The following CNTN4 variants were observed in gnomAD, a reference collection of about 807,000 sequenced individuals.
CNTN4 encodes contactin-4.
Under a neutral mutation model 122.5 loss-of-function variants are expected in CNTN4, and 77 were observed. The observed-to-expected ratio is 0.63, with a 90% confidence interval of 0.52 to 0.76. CNTN4 has a LOEUF of 0.76. Ranked by LOEUF, CNTN4 falls within the 30% of genes least tolerant of loss-of-function variation. The pLI is 0.00. For synonymous variants in CNTN4, 512 were observed against 447.0 expected (o/e 1.15, Z -1.83); for missense variants, 1,256 against 1,259.1 (o/e 1.00, Z 0.04).
At chr3:2,589,894 A>G (rs1325715744) in intron 4 of CNTN4, among the ~76,000 whole-genome samples, 1 of 152,242 alleles carries the variant, frequency 6.6e-6, no homozygotes, top group Admixed American at 6.5e-5. Flanking sequence ...AGAAAGCAAG[A>G]GGAAGCCAAG....
At chr3:2,745,454 A>AT (rs2089700568) in intron 5 of CNTN4, 68 bp from the exon 6 acceptor site, 7 of 1,255,738 alleles carry the variant, frequency 5.6e-6, no homozygotes, top group Non-Finnish European at 8.2e-6. Context: ...GTTTTTATAT[A>AT]TTTTAGACAA....
chr3:2,425,813 T>G (rs1368777801), intron 3 of CNTN4, among the ~76,000 whole-genome samples: 1 of 152,320 alleles, frequency 6.6e-6, no homozygotes, highest in East Asian at 1.9e-4. Context: ...CTAGGTATTT[T>G]ATTCTCTTTG....
chr3:2,566,538 G>A (rs2079166870), intron 3 of CNTN4, among the ~76,000 whole-genome samples: 1 of 152,176 alleles, frequency 6.6e-6, no homozygotes, highest in Admixed American at 6.5e-5. Flanking sequence ...TATTCTATGT[G>A]CCTCTAAAAT....
At chr3:2,406,614 G>T (rs1000965539) in intron 3 of CNTN4, among the ~76,000 whole-genome samples, 2 of 151,990 alleles carry the variant, frequency 1.3e-5, no homozygotes, top group Non-Finnish European at 2.9e-5. Context: ...AAAATATAAA[G>T]TAATTTTTTT....
chr3:2,948,551 T>C (rs149725524), intron 13 of CNTN4, among the ~76,000 whole-genome samples: 8 of 152,318 alleles, frequency 5.3e-5, no homozygotes, highest in Non-Finnish European at 1.0e-4. Context: ...CCTGTATCCA[T>C]ATCTTTGAAA....
At chr3:2,774,388 C>A (rs1216156098) in intron 6 of CNTN4, among the ~76,000 whole-genome samples, 1 of 152,176 alleles carries the variant, frequency 6.6e-6, no homozygotes, top group African/African-American at 2.4e-5. Context: ...ATTGTTCCTT[C>A]TCTCTTCCAC....
At chr3:2,294,273 G>A (rs2042228837) in intron 2 of CNTN4, among the ~76,000 whole-genome samples, 1 of 139,516 alleles carries the variant, frequency 7.2e-6, no homozygotes, top group Non-Finnish European at 1.6e-5. Flanking sequence ...CAAAGGAAAG[G>A]CAGAAGAGTT....
At chr3:2,338,285 A>G (rs553468131) in intron 2 of CNTN4, among the ~76,000 whole-genome samples, 6 of 151,992 alleles carry the variant, frequency 3.9e-5, no homozygotes, top group African/African-American at 9.7e-5. Context: ...TTATTTTGCA[A>G]TTCAGCCAGA....
At chr3:2,652,905 T>G (rs1272152165) in intron 4 of CNTN4, among the ~76,000 whole-genome samples, 3 of 152,208 alleles carry the variant, frequency 2.0e-5, no homozygotes, top group East Asian at 1.9e-4. Flanking sequence ...CTCTGAATAT[T>G]TCAAGTGCTT....
At chr3:2,364,562 C>G (rs17013260) in intron 3 of CNTN4, among the ~76,000 whole-genome samples, 49,226 of 151,066 alleles carry the variant, frequency 0.33, 8,352 homozygotes, top group Middle Eastern at 0.42. Context: ...GACAATAGAG[C>G]CATTCTAGAT....
intron 3 of CNTN4, among the ~76,000 whole-genome samples, chr3:2,372,356 A>G (rs1297232266): frequency 6.6e-6 from 1 of 152,252 alleles, no homozygotes; most frequent in Non-Finnish European, 1.5e-5. Context: ...ATGTGATAGA[A>G]TGTAGAATCC....
intron 17 of CNTN4, 135 bp downstream of exon 17, chr3:3,034,925 G>A (rs368683759): frequency 3.4e-5 from 33 of 961,038 alleles, no homozygotes; most frequent in South Asian, 5.3e-5. Context: ...CCTAAACCTC[G>A]GCCAACTGTA....
chr3:2,194,076 G>A (rs530969954), intron 2 of CNTN4, among the ~76,000 whole-genome samples: 4 of 152,242 alleles, frequency 2.6e-5, no homozygotes, highest in Non-Finnish European at 4.4e-5. Context: ...AAATGTCCCT[G>A]TTTAGAGGAA....
rs1267440878 is a variant in CNTN4, at chr3:3,056,768, C to T, written c.*548C>T. On this transcript the variant is annotated 3_prime_UTR_variant, in exon 25 of 25. Transcript: ENST00000418658. ...AACTACTCTTCTAGTGGTTAATGCA[C>T]TTGACATGTACAGTATGTTTCCCAT... 6.5e-6 allele frequency: 1 copy of T among 154,794 alleles called. No homozygotes were observed. The highest frequency in any genetic ancestry group is 1.4e-5 in the Non-Finnish European group (1 of 69,492). The allele number at this position is 154,794 out of a possible 1,614,324, so 9.6% of individuals were successfully genotyped here.
At chr3:2,419,771 G>A (rs13097838) in intron 3 of CNTN4, among the ~76,000 whole-genome samples, 89,167 of 151,450 alleles carry the variant, frequency 0.59, 26,463 homozygotes, top group East Asian at 0.77. Flanking sequence ...AGTTTACCAT[G>A]TCTTTCAAGG....
At chr3:2,727,263 G>C (rs1156250956) in intron 4 of CNTN4, among the ~76,000 whole-genome samples, 1 of 152,222 alleles carries the variant, frequency 6.6e-6, no homozygotes, top group African/African-American at 2.4e-5. Flanking sequence ...CCCCAGCTGA[G>C]TCTGGGTCAG....
intron 4 of CNTN4, among the ~76,000 whole-genome samples, chr3:2,704,353 A>G (rs995884312): frequency 2.0e-5 from 3 of 151,772 alleles, no homozygotes; most frequent in Admixed American, 2.0e-4. Context: ...TCTTATACAT[A>G]ATACCATTTC....
chr3:2,171,194 T>C (rs2036489055), intron 2 of CNTN4, among the ~76,000 whole-genome samples: 1 of 152,146 alleles, frequency 6.6e-6, no homozygotes, highest in South Asian at 2.1e-4. Flanking sequence ...CACCTAAATG[T>C]CCACCAGGAA....
intron 13 of CNTN4, among the ~76,000 whole-genome samples, chr3:2,961,231 C>CAAAATAAAAAAAAA (rs2094855051): frequency 2.7e-5 from 1 of 37,262 alleles, no homozygotes; most frequent in Non-Finnish European, 5.0e-5. Context: ...CTCCATCTCA[C>CAAAATAAAAAAAAA]AAAAAAAAAA....
Sources: allele counts gnomAD v4.1 joint callset (sites outside exome capture counted in the v4.1 genomes callset), GRCh38; gene constraint gnomAD v4.1.1; transcripts MANE v1.5; gene names NCBI Gene and HGNC (gene_info 2026-07-23, HGNC 2026-07-21).